The following MYT1L variants were observed in gnomAD, a reference collection of about 807,000 sequenced individuals.
The protein encoded by MYT1L is myelin transcription factor 1-like protein.
A neutral mutation model predicts 126.7 loss-of-function variants in MYT1L; 12 were observed. The observed-to-expected ratio is 0.09, with a 90% CI of 0.06 to 0.15. The LOEUF (loss-of-function observed/expected upper bound fraction) is 0.15. MYT1L is among the 10% of genes least tolerant of loss of function. The probability of loss-of-function intolerance (pLI) is 1.00; values close to 1 mark genes in which losing one functional copy is unlikely to be tolerated. For synonymous variants in MYT1L, 541 were observed against 604.2 expected, an observed-to-expected ratio of 0.90 and a Z score of 1.53; for missense variants, 979 against 1,585.2, an observed-to-expected ratio of 0.62 and a Z score of 6.49.
intron 3 of MYT1L, among the ~76,000 whole-genome samples, chr2:2,073,477 C>T (rs1461878059): frequency 6.6e-6 from 1 of 152,110 alleles, no homozygotes; most frequent in Non-Finnish European, 1.5e-5. Flanking sequence ...TCTACAGAGG[C>T]TTTCCTCTCT....
chr2:2,031,250 T>C (rs998935324), intron 4 of MYT1L, among the ~76,000 whole-genome samples: 3 of 152,224 alleles, frequency 2.0e-5, no homozygotes, highest in Non-Finnish European at 2.9e-5. Flanking sequence ...ACAGGCAAGC[T>C]TGCATGAAAG....
intron 3 of MYT1L, among the ~76,000 whole-genome samples, chr2:2,139,082 G>A (rs1005920058): frequency 3.9e-5 from 6 of 151,914 alleles, no homozygotes; most frequent in African/African-American, 1.5e-4. Flanking sequence ...AGAATAGGAT[G>A]AGGACACCGA....
intron 2 of MYT1L, among the ~76,000 whole-genome samples, chr2:2,173,332 G>A (rs368918662): frequency 9.2e-5 from 14 of 152,128 alleles, no homozygotes; most frequent in African/African-American, 3.1e-4. Context: ...CTTCTTTAAC[G>A]CTTTGATGTA....
chr2:2,030,122 G>A (rs2066071178), intron 4 of MYT1L, among the ~76,000 whole-genome samples: 1 of 152,150 alleles, frequency 6.6e-6, no homozygotes, highest in Non-Finnish European at 1.5e-5. Flanking sequence ...TTTTAAGATG[G>A]AGTCTTGCTC....
intron 2 of MYT1L, among the ~76,000 whole-genome samples, chr2:2,203,293 A>G (rs2093166386): frequency 6.7e-6 from 1 of 149,932 alleles, no homozygotes; most frequent in Admixed American, 6.7e-5. Context: ...AGGAGAAAGA[A>G]ATAAAGGGTA....
At chr2:2,304,736 G>T (rs951992315) in intron 1 of MYT1L, among the ~76,000 whole-genome samples, 7 of 152,194 alleles carry the variant, frequency 4.6e-5, no homozygotes, top group Non-Finnish European at 1.0e-4. Flanking sequence ...ACAGCAAGTT[G>T]TCTGGATTTG....
intron 18 of MYT1L, among the ~76,000 whole-genome samples, chr2:1,871,681 G>A (rs1420207668): frequency 1.3e-5 from 2 of 152,132 alleles, no homozygotes; most frequent in Admixed American, 6.5e-5. Context: ...AGGCTCTCAG[G>A]CCACCTCAGT....
At chr2:1,948,269 T>G (rs1455288631) in intron 8 of MYT1L, among the ~76,000 whole-genome samples, 1 of 152,216 alleles carries the variant, frequency 6.6e-6, no homozygotes, top group Non-Finnish European at 1.5e-5. Flanking sequence ...CCATTTGACA[T>G]GGTTCATTGC....
At chr2:2,309,413 A>C (rs2095918126) in intron 1 of MYT1L, among the ~76,000 whole-genome samples, 1 of 151,672 alleles carries the variant, frequency 6.6e-6, no homozygotes, top group South Asian at 2.1e-4. Context: ...ACTTTAGTAT[A>C]CCTTCTCTAT....
At chr2:2,168,472 TC>T (rs2089514632) in intron 3 of MYT1L, among the ~76,000 whole-genome samples, 1 of 152,328 alleles carries the variant, frequency 6.6e-6, no homozygotes, top group African/African-American at 2.4e-5. Context: ...TCCTTGCACA[TC>T]AGCTGTTTCT....
chr2:1,867,920 CTATCTT>C lies in MYT1L; in HGVS notation c.2712-16223_2712-16218del, dbSNP rs1051740721. The stretch of plus-strand genomic sequence containing the variant: ...GTGGCAAATTTCATGTTAGAAATAT[CTATCTT>C]TATTTAGTAAACCTTCAATGGGAAG... On this transcript the variant is annotated intron_variant, in intron 18 of 24. Coordinates refer to ENST00000647738, the MANE Select transcript of MYT1L (RefSeq NM_001303052.2). 8.5e-5 allele frequency among the ~76,000 whole-genome samples: 13 copies of C among 152,188 alleles called. No individual in the cohort carries two copies. The South Asian group carries it at 2.5e-3, about 29-fold the overall frequency.
At chr2:2,184,375 G>A (rs997761462) in intron 2 of MYT1L, among the ~76,000 whole-genome samples, 4 of 152,172 alleles carry the variant, frequency 2.6e-5, no homozygotes, top group Non-Finnish European at 5.9e-5. Context: ...AATGTGCAGC[G>A]CCCATAAAGG....
intron 2 of MYT1L, among the ~76,000 whole-genome samples, chr2:2,200,745 G>A (rs939924535): frequency 9.9e-5 from 15 of 152,176 alleles, no homozygotes; most frequent in African/African-American, 2.9e-4. Context: ...GGAGTTTCTC[G>A]AATGCCAGCA....
chr2:2,301,963 T>C (rs1275056162), intron 1 of MYT1L, among the ~76,000 whole-genome samples: 1 of 152,182 alleles, frequency 6.6e-6, no homozygotes. Context: ...AGGCACTAAG[T>C]TAGAGTTTGT....
chr2:2,251,935 G>T (rs948507409), intron 2 of MYT1L, among the ~76,000 whole-genome samples: 1 of 151,224 alleles, frequency 6.6e-6, no homozygotes, highest in Non-Finnish European at 1.5e-5. Flanking sequence ...AAGAAGAAAA[G>T]AAAAGAAAAA....
chr2:1,881,467 ATATTT>A (rs1335550043), intron 18 of MYT1L, among the ~76,000 whole-genome samples: 3 of 151,742 alleles, frequency 2.0e-5, no homozygotes, highest in African/African-American at 4.9e-5. Context: ...TGTATTTCCT[ATATTT>A]TAATTTCTCC....
chr2:1,838,904 G>T (rs1218381701), intron 21 of MYT1L, among the ~76,000 whole-genome samples: 1 of 152,186 alleles, frequency 6.6e-6, no homozygotes, highest in African/African-American at 2.4e-5. Context: ...TTCAAAAACG[G>T]AAAACTGCTG....
intron 4 of MYT1L, among the ~76,000 whole-genome samples, chr2:2,000,610 C>G (rs112944864): frequency 0.024 from 3,595 of 152,172 alleles, 155 homozygotes; most frequent in African/African-American, 0.082. Context: ...ATACAGCCGA[C>G]TCCACATGAC....
chr2:1,925,878 C>T (rs1365307220), intron 9 of MYT1L, among the ~76,000 whole-genome samples: 1 of 152,190 alleles, frequency 6.6e-6, no homozygotes, highest in Non-Finnish European at 1.5e-5. Context: ...GATAGTAAAA[C>T]TTCCTGGCCC....
Sources: gnomAD v4.1 joint callset for allele counts (sites outside exome capture counted in the v4.1 genomes callset) on GRCh38, gnomAD v4.1.1 for gene constraint, MANE v1.5 for transcripts, NCBI Gene and HGNC (gene_info 2026-07-23, HGNC 2026-07-21) for gene names.